CSMD1: variants seen among roughly 807,000 people sequenced by gnomAD.
CSMD1 encodes the protein CUB and sushi domain-containing protein 1.
Under a neutral mutation model 417.5 loss-of-function variants are expected in CSMD1, and 213 were observed. The ratio of observed to expected loss-of-function variants is 0.51; its 90% CI spans 0.46 to 0.57. The LOEUF is 0.57. Among genes scored for constraint, CSMD1 ranks in the 20% least tolerant of loss-of-function variants. The probability of loss-of-function intolerance (pLI) is 0.00; values close to 1 mark genes in which losing one functional copy is unlikely to be tolerated. For missense variants in CSMD1, 6,923 were observed against 4,529.7 expected (o/e 1.53, Z -15.17); for synonymous variants, 2,862 against 1,736.8 (o/e 1.65, Z -16.11).
chr8:4,702,617 C>T (rs929795315), intron 1 of CSMD1, among the ~76,000 whole-genome samples: 4 of 152,136 alleles, frequency 2.6e-5, no homozygotes, highest in Non-Finnish European at 4.4e-5. Flanking sequence ...ACCTCATTAC[C>T]AGTCCAGAAC....
intron 5 of CSMD1, among the ~76,000 whole-genome samples, chr8:3,943,036 T>C (rs1431291919): frequency 6.6e-6 from 1 of 152,068 alleles, no homozygotes; most frequent in Non-Finnish European, 1.5e-5. Flanking sequence ...CTCAGGAAAA[T>C]CCTGCTTTTC....
chr8:2,947,620 G>C (rs189029610), intron 68 of CSMD1, among the ~76,000 whole-genome samples: 30 of 152,222 alleles, frequency 2.0e-4, no homozygotes, highest in Admixed American at 1.8e-3. Context: ...CAAATTCATT[G>C]GATCAGTCAA....
chr8:4,564,624 A>C (rs888655007), intron 2 of CSMD1, among the ~76,000 whole-genome samples: 1 of 152,234 alleles, frequency 6.6e-6, no homozygotes, highest in Non-Finnish European at 1.5e-5. Context: ...AAGTTTTGTC[A>C]CATAAACTAA....
At chr8:4,947,706 T>C (rs1808462769) in intron 1 of CSMD1, among the ~76,000 whole-genome samples, 1 of 152,126 alleles carries the variant, frequency 6.6e-6, no homozygotes, top group South Asian at 2.1e-4. Flanking sequence ...CATAAATATA[T>C]TTTGTCTAAA....
At position 3,997,906 on chromosome 8, in the gene CSMD1, A is replaced by G. The variant is rs1006998232; in HGVS notation, c.815T>C (p.Ile272Thr). The G allele has an allele frequency of 1.9e-6, 3 of 1,611,542 alleles. No individual in the cohort carries two copies. Among genetic ancestry groups the G allele is most frequent in the Non-Finnish European group, 1.7e-6 (2 of 1,178,800 alleles). The change falls in exon 5 of 70, where the codon ATA becomes ACA. Residue 272 changes from isoleucine (I) to threonine (T), a missense_variant. Coordinates refer to ENST00000635120, the MANE Select transcript of CSMD1 (RefSeq NM_033225.6). ...LEISGTEAPS[I>T]WLTGMNLPSP... Reference sequence around the variant, plus strand: ...GGCATCTCTTCCCGGGACTTACCATATGGATGGAGCTTCCGTGCCACTGAT... The same window carrying G: ...GGCATCTCTTCCCGGGACTTACCATGTGGATGGAGCTTCCGTGCCACTGAT...
intron 25 of CSMD1, among the ~76,000 whole-genome samples, chr8:3,305,461 C>A (rs930244890): frequency 6.6e-6 from 1 of 150,994 alleles, no homozygotes; most frequent in Non-Finnish European, 1.5e-5. Flanking sequence ...GCTGGGCCCT[C>A]ATGAAGGGAT....
chr8:3,266,685 G>A (rs1045664744), intron 26 of CSMD1, among the ~76,000 whole-genome samples: 2 of 148,328 alleles, frequency 1.3e-5, no homozygotes, highest in African/African-American at 5.0e-5. Flanking sequence ...TAAGGCAGGA[G>A]AACCGCTTGA....
At chr8:4,188,070 A>T (rs1798788181) in intron 3 of CSMD1, among the ~76,000 whole-genome samples, 1 of 152,168 alleles carries the variant, frequency 6.6e-6, no homozygotes. Context: ...GATTTAAAAC[A>T]AATAGAAAAG....
At chr8:4,295,785 T>C (rs1207988525) in intron 3 of CSMD1, among the ~76,000 whole-genome samples, 17 of 45,346 alleles carry the variant, frequency 3.7e-4, no homozygotes, top group Non-Finnish European at 4.3e-4. Flanking sequence ...TATATATATA[T>C]ATACACACAC....
intron 2 of CSMD1, among the ~76,000 whole-genome samples, chr8:4,515,599 C>T (rs1434518870): frequency 3.3e-5 from 5 of 152,138 alleles, no homozygotes; most frequent in Non-Finnish European, 4.4e-5. Flanking sequence ...TTACATGAGA[C>T]ATCTAAATTT....
chr8:3,893,365 T>C (rs927872727), intron 5 of CSMD1, among the ~76,000 whole-genome samples: 5 of 32,180 alleles, frequency 1.6e-4, no homozygotes, highest in African/African-American at 3.4e-4. Context: ...ATATATATTA[T>C]TTTTTTTCTT....
chr8:3,567,925 C>A (rs1336349019), intron 10 of CSMD1, among the ~76,000 whole-genome samples: 1 of 152,146 alleles, frequency 6.6e-6, no homozygotes, highest in Non-Finnish European at 1.5e-5. Flanking sequence ...CATGTGTTGA[C>A]ATCCCCATGG....
intron 8 of CSMD1, among the ~76,000 whole-genome samples, chr8:3,604,695 T>C (rs916681965): frequency 6.6e-6 from 1 of 152,154 alleles, no homozygotes; most frequent in Admixed American, 6.5e-5. Flanking sequence ...CCTAGATATC[T>C]CTCCATTATT....
At chr8:3,008,149 T>C (rs1376916933) in intron 52 of CSMD1, among the ~76,000 whole-genome samples, 1 of 152,004 alleles carries the variant, frequency 6.6e-6, no homozygotes, top group East Asian at 1.9e-4. Flanking sequence ...AGCAAAGAAA[T>C]AGAGTATGTC....
chr8:4,643,220 C>T lies in CSMD1; in HGVS notation c.86-5662G>A, dbSNP rs542906986. 8.5e-5 allele frequency among the ~76,000 whole-genome samples: 13 copies of T among 152,300 alleles called. No individual in the cohort carries two copies. The East Asian group carries it at 2.3e-3, about 27-fold the overall frequency. ...CCACACTGGCTCCTTTCTAAAACAA[C>T]ATCATTGGTGGAAAAATAAACCTTA... is the stretch of plus-strand genomic sequence containing the variant. On this transcript the variant is annotated intron_variant, in intron 1 of 69. Coordinates refer to ENST00000635120, the MANE Select transcript of CSMD1 (RefSeq NM_033225.6).
rs751770464 is a variant in CSMD1 at position 3,199,727 on chromosome 8, G to A, written c.5181C>T (p.His1727=). The A allele has an allele frequency of 1.9e-6, 3 of 1,586,162 alleles. No individual in the cohort carries two copies. Among genetic ancestry groups the A allele is most frequent in the South Asian group, 1.2e-5 (1 of 86,470 alleles). Residue 1727 remains histidine, a synonymous_variant, in exon 33 of 70, where the codon CAC becomes CAT. Coordinates refer to ENST00000635120, the MANE Select transcript of CSMD1 (RefSeq NM_033225.6). Reference sequence around the variant, plus strand: ...AGTGACGCTTACCTTGATACACGAAGTGGAAGCCGCGGGCAGAGGCACCGC... The same window carrying A: ...AGTGACGCTTACCTTGATACACGAAATGGAAGCCGCGGGCAGAGGCACCGC... The part of the protein sequence containing the change: ...AKSGASARGF[H]FVYQAVPRTS...
intron 5 of CSMD1, among the ~76,000 whole-genome samples, chr8:3,825,871 G>A (rs1444015664): frequency 6.6e-6 from 1 of 152,176 alleles, no homozygotes; most frequent in Non-Finnish European, 1.5e-5. Context: ...GTACACTAGG[G>A]CAAGATCAGA....
chr8:4,435,987 A>G (rs937443908), intron 2 of CSMD1, among the ~76,000 whole-genome samples: 2 of 152,180 alleles, frequency 1.3e-5, no homozygotes, highest in Non-Finnish European at 2.9e-5. Flanking sequence ...CTTTTCTGTC[A>G]CAAACATATT....
intron 4 of CSMD1, among the ~76,000 whole-genome samples, chr8:4,018,028 T>A (rs1029792307): frequency 1.3e-5 from 2 of 152,090 alleles, no homozygotes; most frequent in Non-Finnish European, 2.9e-5. Context: ...CTCGTAACTG[T>A]CATACCCATG....
Sources: gnomAD v4.1 joint callset for allele counts (sites outside exome capture counted in the v4.1 genomes callset) on GRCh38, gnomAD v4.1.1 for gene constraint, MANE v1.5 for transcripts, NCBI Gene and HGNC (gene_info 2026-07-23, HGNC 2026-07-21) for gene names.